RANBP10: variants seen among roughly 807,000 people sequenced by gnomAD.
RANBP10 encodes the protein ran-binding protein 10.
A neutral mutation model predicts 72.8 loss-of-function variants in RANBP10; 24 were observed. The observed-to-expected ratio is 0.33, with a 90% CI of 0.24 to 0.46. The LOEUF is 0.46. RANBP10 is among the 20% of genes least tolerant of loss of function. The pLI is 1.00. For missense variants in RANBP10, 679 were observed against 817.5 expected (o/e 0.83, Z 2.07); for synonymous variants, 310 against 322.3 (o/e 0.96, Z 0.41).
chr16:67,759,676 G>C (rs1295024275), intron 3 of RANBP10: 1 of 152,422 alleles, frequency 6.6e-6, no homozygotes, highest in Non-Finnish European at 1.5e-5. Context: ...GCTCCAGAGA[G>C]AGGTGGTGTT....
chr16:67,740,523 C>A (rs1297546236), intron 4 of RANBP10, among the ~76,000 whole-genome samples: 3 of 152,224 alleles, frequency 2.0e-5, no homozygotes, highest in South Asian at 4.1e-4. Context: ...GAAACTGAAG[C>A]CCTGCAAAAT....
intron 2 of RANBP10, among the ~76,000 whole-genome samples, chr16:67,797,989 C>CAAAAAAAAAAAA (rs56801646): frequency 4.6e-5 from 2 of 43,872 alleles, no homozygotes; most frequent in Admixed American, 2.6e-4. Context: ...GACCCTCTCT[C>CAAAAAAAAAAAA]AAAAAAAAAA....
At chr16:67,802,966 T>A (rs1438900922) in intron 2 of RANBP10, among the ~76,000 whole-genome samples, 3 of 152,206 alleles carry the variant, frequency 2.0e-5, no homozygotes, top group Non-Finnish European at 2.9e-5. Context: ...CTGTTATCTA[T>A]GATAAAGACT....
intron 2 of RANBP10, among the ~76,000 whole-genome samples, chr16:67,780,500 C>A (rs2054790969): frequency 6.6e-6 from 1 of 152,080 alleles, no homozygotes; most frequent in Non-Finnish European, 1.5e-5. Context: ...ATAATCCCAG[C>A]TACTTGGGAG....
intron 2 of RANBP10, among the ~76,000 whole-genome samples, chr16:67,785,410 T>C (rs2054897047): frequency 6.6e-6 from 1 of 151,892 alleles, no homozygotes; most frequent in South Asian, 2.1e-4. Context: ...AATACATGAA[T>C]TGGACTTAAT....
chr16:67,805,115 C>A (rs1335002370), intron 2 of RANBP10, among the ~76,000 whole-genome samples: 2 of 152,160 alleles, frequency 1.3e-5, no homozygotes, highest in African/African-American at 4.8e-5. Flanking sequence ...ACAAAAACAC[C>A]ACATGCTCAT....
At chr16:67,771,335 T>C (rs1313834730) in intron 3 of RANBP10, among the ~76,000 whole-genome samples, 1 of 151,862 alleles carries the variant, frequency 6.6e-6, no homozygotes, top group Non-Finnish European at 1.5e-5. Flanking sequence ...AAAACTTTGA[T>C]CTTTTTTATT....
intron 2 of RANBP10, among the ~76,000 whole-genome samples, chr16:67,781,051 C>T (rs1030832899): frequency 6.6e-6 from 1 of 152,252 alleles, no homozygotes; most frequent in Non-Finnish European, 1.5e-5. Context: ...TCAGAGCCTG[C>T]TTTATCAGCT....
At position 67,729,997 on chromosome 16, in the gene RANBP10, G is replaced by T; in HGVS notation, c.939C>A (p.Thr313=). ...GCAGCCCTGGGTAGAAGCGCTGGGT[G>T]GTCTCGATGGCCTCGCCCACACGGC... ...LEGRVGEAIE[T]TQRFYPGLLE... Residue 313 remains threonine, a synonymous_variant, in exon 8 of 14, where the codon ACC becomes ACA. Transcript: ENST00000317506. This position sits in a 1 kb window ranked among gnomAD's most constrained non-coding sequence, Gnocchi z 7.1. The T allele has an allele frequency of 1.2e-6, 2 of 1,613,596 alleles. No individual in the cohort carries two copies. The highest frequency in any genetic ancestry group is 4.5e-5 in the East Asian group (2 of 44,874).
At chr16:67,766,150 G>A (rs1164552434) in intron 3 of RANBP10, among the ~76,000 whole-genome samples, 1 of 152,152 alleles carries the variant, frequency 6.6e-6, no homozygotes, top group Non-Finnish European at 1.5e-5. Flanking sequence ...TTGGAAATCA[G>A]CAGCGGCTGG....
chr16:67,801,760 G>A (rs534444146), intron 2 of RANBP10, among the ~76,000 whole-genome samples: 1 of 151,900 alleles, frequency 6.6e-6, no homozygotes, highest in African/African-American at 2.4e-5. Flanking sequence ...TTGGAGACCA[G>A]CCTAGACAAC....
chr16:67,730,172 C>A lies in RANBP10; in HGVS notation c.890-126G>T. 5 of 783,630 alleles carry A rather than the reference C, an allele frequency of 6.4e-6. No individual in the cohort carries two copies. The highest frequency in any genetic ancestry group is 1.0e-5 in the Non-Finnish European group (5 of 480,928). The allele number at this position is 783,630 out of a possible 1,614,324, so 48.5% of individuals were successfully genotyped here. A position where few individuals can be genotyped will look rare whatever the true frequency, so the allele number is the denominator to read the frequency against. ...GTGCCTCGCCAGCTTGAAATGCTCA[C>A]AGGAGAGGAGGCTGGAGAAAGAACC... On this transcript the variant is annotated intron_variant, in intron 7 of 13. Coordinates refer to ENST00000317506, the MANE Select transcript of RANBP10 (RefSeq NM_020850.3). This position sits in a 1 kb window ranked among gnomAD's most constrained non-coding sequence, Gnocchi z 4.3.
chr16:67,767,252 C>T (rs1417960429), intron 3 of RANBP10, among the ~76,000 whole-genome samples: 2 of 151,998 alleles, frequency 1.3e-5, no homozygotes, highest in African/African-American at 4.8e-5. Flanking sequence ...CCTCTCACCT[C>T]GTCTACTCCA....
At chr16:67,752,167 A>T (rs188059276) in intron 3 of RANBP10, among the ~76,000 whole-genome samples, 12 of 152,346 alleles carry the variant, frequency 7.9e-5, no homozygotes, top group African/African-American at 2.4e-4. Context: ...CCATGGTCTA[A>T]TCCCCAGAAC....
chr16:67,742,825 G>A (rs2053994705), intron 4 of RANBP10, among the ~76,000 whole-genome samples: 1 of 152,200 alleles, frequency 6.6e-6, no homozygotes, highest in African/African-American at 2.4e-5. Context: ...GCAGAACCCA[G>A]AGCCAAGAAA....
intron 13 of RANBP10, 76 bp downstream of exon 13, chr16:67,727,251 A>G: frequency 7.2e-7 from 1 of 1,382,884 alleles, no homozygotes; most frequent in Non-Finnish European, 9.9e-7. Context: ...GTGAGCCAAG[A>G]TTGTGCCACT....
Position 67,738,014 on chromosome 16 carries a change from G to T in RANBP10, c.590C>A (p.Pro197Gln). The T allele has an allele frequency of 1.3e-6, 2 of 1,590,032 alleles. No homozygotes were observed. Among genetic ancestry groups the T allele is most frequent in the Non-Finnish European group, 1.7e-6 (2 of 1,166,994 alleles). ...GGAAGACTCAATAGTAGTACTCACC[G>T]GGAGGTCTGTGAAGGCTATACCTGT... ...HSLGIAFTDL[P>Q]ANLYPTVGLQ... Residue 197 changes from proline (P) to glutamine (Q), a missense_variant and splice_region_variant, in exon 5 of 14, where the codon CCG becomes CAG. Coordinates refer to ENST00000317506, the MANE Select transcript of RANBP10 (RefSeq NM_020850.3).
chr16:67,800,749 C>T (rs569424908), intron 2 of RANBP10, among the ~76,000 whole-genome samples: 2 of 152,284 alleles, frequency 1.3e-5, no homozygotes, highest in South Asian at 2.1e-4. Flanking sequence ...CCTCCTACTC[C>T]ACAGAGCTCT....
At position 67,731,276 on chromosome 16, in the gene RANBP10, C is replaced by G. The variant is rs770116173; in HGVS notation, c.889+196G>C. The G allele has an allele frequency of 1.3e-5, 7 of 541,894 alleles. No individual in the cohort carries two copies. The East Asian group carries it at 2.3e-4, about 18-fold the overall frequency. 33.6% of individuals were successfully genotyped at this position (541,894 alleles called of 1,614,324 possible). A position where few individuals can be genotyped will look rare whatever the true frequency, so the allele number is the denominator to read the frequency against. On this transcript the variant is annotated intron_variant, in intron 7 of 13. Transcript: ENST00000317506. ...GTGCATTAGGGAGGCTGCCCTGAGA[C>G]GTCTCCATCCTGCCAACTGTCCATC...
Sources: gnomAD v4.1 joint callset for allele counts (sites outside exome capture counted in the v4.1 genomes callset) on GRCh38, gnomAD v4.1.1 for gene constraint, Gnocchi (gnomAD v3.1) non-coding constraint, MANE v1.5 for transcripts, NCBI Gene and HGNC (gene_info 2026-07-23, HGNC 2026-07-21) for gene names.